Variants in AUTS2 observed in about 807,000 individuals in gnomAD.
The protein encoded by AUTS2 is autism susceptibility gene 2 protein.
In AUTS2, 17 loss-of-function variants were observed where a neutral mutation model predicts 112.4. That is an observed-to-expected ratio of 0.15 (90% CI 0.10 to 0.23). The LOEUF (loss-of-function observed/expected upper bound fraction) is 0.23, where lower values mean the gene tolerates loss of function less well. Ranked by LOEUF, AUTS2 falls within the 10% of genes least tolerant of loss-of-function variation. The pLI, the probability that AUTS2 is intolerant of heterozygous loss-of-function variation, is 1.00. For missense variants in AUTS2, 1,510 were observed against 1,701.6 expected (o/e 0.89, Z 1.98); for synonymous variants, 751 against 702.7 (o/e 1.07, Z -1.09).
At chr7:69,721,414 A>T (rs1462554184) in intron 1 of AUTS2, among the ~76,000 whole-genome samples, 1 of 152,192 alleles carries the variant, frequency 6.6e-6, no homozygotes, top group Non-Finnish European at 1.5e-5. Context: ...TCTTCATAGC[A>T]CTCATTATCA....
intron 5 of AUTS2, among the ~76,000 whole-genome samples, chr7:70,583,764 T>C (rs1475733897): frequency 6.6e-6 from 1 of 152,208 alleles, no homozygotes; most frequent in Non-Finnish European, 1.5e-5. Context: ...GGCGAGCCTT[T>C]CTTTGTGGAA....
intron 1 of AUTS2, among the ~76,000 whole-genome samples, chr7:69,874,549 G>A (rs1793642227): frequency 6.6e-6 from 1 of 152,308 alleles, no homozygotes; most frequent in Non-Finnish European, 1.5e-5. Flanking sequence ...GTCCAGATGA[G>A]GAGGTCTGAA....
intron 5 of AUTS2, among the ~76,000 whole-genome samples, chr7:70,655,137 A>G (rs911214851): frequency 6.6e-6 from 1 of 152,136 alleles, no homozygotes; most frequent in African/African-American, 2.4e-5. Flanking sequence ...GACATCCCAC[A>G]CTGTAGAGTT....
At chr7:70,406,166 C>T (rs1426084725) in intron 4 of AUTS2, among the ~76,000 whole-genome samples, 1 of 152,176 alleles carries the variant, frequency 6.6e-6, no homozygotes, top group African/African-American at 2.4e-5. Flanking sequence ...ATCTGTCTCC[C>T]TCCCTTGCCA....
chr7:69,599,396 G>A lies in AUTS2; in HGVS notation c.-258G>A. 2.8e-6 allele frequency: 1 copy of A among 360,560 alleles called. No individual in the cohort carries two copies. Among genetic ancestry groups the A allele is most frequent in the Non-Finnish European group, 4.9e-6 (1 of 203,018 alleles). The allele number at this position is 360,560 out of a possible 1,614,324, so 22.3% of individuals were successfully genotyped here. ...AGGCATCTCCGACCCTCGGTGCTGT[G>A]GGGAGCCCCACACTTGGGCTCCTCG... On this transcript the variant is annotated 5_prime_UTR_variant, in exon 1 of 19. Coordinates refer to ENST00000342771, the MANE Select transcript of AUTS2 (RefSeq NM_015570.4). This position sits in a 1 kb window ranked among gnomAD's most constrained non-coding sequence, Gnocchi z 7.0.
intron 1 of AUTS2, among the ~76,000 whole-genome samples, chr7:69,603,503 T>G: frequency 6.6e-6 from 1 of 152,166 alleles, no homozygotes; most frequent in East Asian, 1.9e-4. Flanking sequence ...GCTTTAGGGG[T>G]AGTTTGACAA....
At chr7:70,646,962 G>A (rs1806204052) in intron 5 of AUTS2, among the ~76,000 whole-genome samples, 2 of 152,216 alleles carry the variant, frequency 1.3e-5, no homozygotes, top group Admixed American at 1.3e-4. Flanking sequence ...TGGCTGAGCA[G>A]TTTCAAACTC....
rs1022397004 is a variant in AUTS2 at position 69,694,311 on chromosome 7, A to AT, written c.309+94357dup. 6.5e-4 allele frequency among the ~76,000 whole-genome samples: 98 copies of AT among 151,872 alleles called. 2 individuals carry two copies. Among genetic ancestry groups the AT allele is most frequent in the Admixed American group, 1.7e-3 (26 of 15,258 alleles). ...TTAATTTTTGAAAGCCCTGCAGGTA[A>AT]TTTTTTTTCTACTTTTTAAAAATTA... On this transcript the variant is annotated intron_variant, in intron 1 of 18. Transcript: ENST00000342771.
At chr7:69,820,343 G>T (rs190912332) in intron 1 of AUTS2, among the ~76,000 whole-genome samples, 65 of 152,350 alleles carry the variant, frequency 4.3e-4, no homozygotes, top group Admixed American at 6.5e-4. Flanking sequence ...TAGGTCAGTG[G>T]TTCTCTAAGT....
intron 2 of AUTS2, among the ~76,000 whole-genome samples, chr7:69,978,929 CA>C (rs1798180846): frequency 1.3e-5 from 2 of 151,936 alleles, no homozygotes; most frequent in South Asian, 4.2e-4. Context: ...CACGCACACA[CA>C]CCCATTACCA....
chr7:69,922,414 C>T (rs1386939476), intron 2 of AUTS2, among the ~76,000 whole-genome samples: 1 of 152,176 alleles, frequency 6.6e-6, no homozygotes, highest in African/African-American at 2.4e-5. Context: ...TTGACTTCAC[C>T]AAAGCCTCTT....
chr7:70,167,909 C>T (rs1199660995), intron 4 of AUTS2, among the ~76,000 whole-genome samples: 2 of 152,154 alleles, frequency 1.3e-5, no homozygotes, highest in Non-Finnish European at 2.9e-5. Flanking sequence ...ACAGTCTAGA[C>T]TGCACATGTG....
intron 2 of AUTS2, among the ~76,000 whole-genome samples, chr7:70,023,709 A>G (rs1035776009): frequency 6.6e-6 from 1 of 152,210 alleles, no homozygotes; most frequent in Non-Finnish European, 1.5e-5. Flanking sequence ...ATGGTTTCCA[A>G]GTGAAATAAT....
chr7:70,093,021 G>C (rs965271585), intron 2 of AUTS2, among the ~76,000 whole-genome samples: 1 of 152,128 alleles, frequency 6.6e-6, no homozygotes, highest in African/African-American at 2.4e-5. Context: ...CTTTTACAGA[G>C]TCTTTGCTGC....
At chr7:69,734,444 G>A (rs537746050) in intron 1 of AUTS2, among the ~76,000 whole-genome samples, 1 of 149,666 alleles carries the variant, frequency 6.7e-6, no homozygotes, top group East Asian at 2.0e-4. Flanking sequence ...AAAGTAAATA[G>A]ATGAAATTTC....
chr7:70,294,014 A>G (rs1788823690), intron 4 of AUTS2: 1 of 152,200 alleles, frequency 6.6e-6, no homozygotes. Flanking sequence ...GTTATTTGCT[A>G]GGTAGTTTCC....
intron 5 of AUTS2, among the ~76,000 whole-genome samples, chr7:70,540,793 A>G (rs1800523016): frequency 6.6e-6 from 1 of 152,212 alleles, no homozygotes; most frequent in African/African-American, 2.4e-5. Flanking sequence ...GGTAAAGCAC[A>G]GAGGTGGTAG....
At chr7:70,724,076 G>T (rs941294542) in intron 6 of AUTS2, among the ~76,000 whole-genome samples, 7 of 152,210 alleles carry the variant, frequency 4.6e-5, no homozygotes, top group African/African-American at 1.4e-4. Flanking sequence ...GTTTTTAGTA[G>T]AGATGGGGTT....
chr7:70,258,993 G>T (rs560052106), intron 4 of AUTS2, among the ~76,000 whole-genome samples: 4 of 152,146 alleles, frequency 2.6e-5, no homozygotes, highest in Non-Finnish European at 5.9e-5. Context: ...GTCTGGGAGG[G>T]TTCGGTTGTC....
Sources: allele counts gnomAD v4.1 joint callset (sites outside exome capture counted in the v4.1 genomes callset), GRCh38; gene constraint gnomAD v4.1.1; non-coding constraint Gnocchi (gnomAD v3.1); transcripts MANE v1.5; gene names NCBI Gene and HGNC (gene_info 2026-07-23, HGNC 2026-07-21).